Variants in PTPRT observed in about 807,000 individuals in gnomAD.
PTPRT encodes receptor-type tyrosine-protein phosphatase T.
Under a neutral mutation model 176.8 loss-of-function variants are expected in PTPRT, and 56 were observed. The observed-to-expected ratio is 0.32, with a 90% CI of 0.26 to 0.40. PTPRT has a LOEUF of 0.40. Among genes scored for constraint, PTPRT ranks in the 10% least tolerant of loss-of-function variants. The pLI is 1.00. For missense variants in PTPRT, 1,540 were observed against 1,908.2 expected, an observed-to-expected ratio of 0.81 and a Z score of 3.60; for synonymous variants, 783 against 739.0, an observed-to-expected ratio of 1.06 and a Z score of -0.96.
chr20:42,133,724 G>A (rs1202554967), intron 18 of PTPRT, among the ~76,000 whole-genome samples: 1 of 152,208 alleles, frequency 6.6e-6, no homozygotes, highest in Non-Finnish European at 1.5e-5. Context: ...TTAGCTAATT[G>A]TAATGAATGT....
chr20:42,578,134 C>T (rs1288320295), intron 7 of PTPRT, among the ~76,000 whole-genome samples: 2 of 152,060 alleles, frequency 1.3e-5, no homozygotes, highest in African/African-American at 4.8e-5. Flanking sequence ...GATGGGAAAA[C>T]AGGCCCAGAG....
chr20:42,896,210 A>G (rs1325204897), intron 1 of PTPRT, among the ~76,000 whole-genome samples: 1 of 152,176 alleles, frequency 6.6e-6, no homozygotes, highest in Non-Finnish European at 1.5e-5. Flanking sequence ...GGACTGAGCC[A>G]AGACTCCAAT....
intron 7 of PTPRT, among the ~76,000 whole-genome samples, chr20:42,605,759 C>G (rs549354729): frequency 9.1e-4 from 139 of 152,334 alleles, no homozygotes; most frequent in Non-Finnish European, 1.6e-3. Context: ...CTCTCTCCCC[C>G]TCCTACAGGA....
At chr20:42,232,467 G>A (rs1170408707) in intron 15 of PTPRT, among the ~76,000 whole-genome samples, 1 of 152,190 alleles carries the variant, frequency 6.6e-6, no homozygotes, top group Non-Finnish European at 1.5e-5. Context: ...CCCAGGTGAT[G>A]CTGATGCTAC....
chr20:43,180,262 C>T (rs971738135), intron 1 of PTPRT, among the ~76,000 whole-genome samples: 5 of 151,662 alleles, frequency 3.3e-5, no homozygotes, highest in African/African-American at 9.7e-5. Flanking sequence ...CATCAACTTT[C>T]CTGGGACTCC....
intron 2 of PTPRT, among the ~76,000 whole-genome samples, chr20:42,838,948 G>T (rs1600814950): frequency 6.6e-6 from 1 of 152,156 alleles, no homozygotes; most frequent in East Asian, 1.9e-4. Flanking sequence ...CTACACCTTT[G>T]GTCCCCAGGG....
chr20:42,119,828 G>A (rs1987491485), intron 20 of PTPRT, 107 bp downstream of exon 20: 4 of 980,772 alleles, frequency 4.1e-6, no homozygotes, highest in Non-Finnish European at 6.0e-6. Context: ...AAGGAGGGTT[G>A]GAGTAACAGA....
At chr20:43,155,537 G>T (rs1460259231) in intron 1 of PTPRT, among the ~76,000 whole-genome samples, 2 of 152,222 alleles carry the variant, frequency 1.3e-5, no homozygotes, top group African/African-American at 4.8e-5. Context: ...GGTTAGCAGG[G>T]AGAGGATGGG....
At chr20:42,155,955 C>T (rs750005578) in intron 17 of PTPRT, among the ~76,000 whole-genome samples, 1 of 152,176 alleles carries the variant, frequency 6.6e-6, no homozygotes, top group Non-Finnish European at 1.5e-5. Flanking sequence ...ATTAGTGTAA[C>T]AAACACTCAT....
At chr20:43,116,378 A>G (rs1378629293) in intron 1 of PTPRT, among the ~76,000 whole-genome samples, 1 of 152,180 alleles carries the variant, frequency 6.6e-6, no homozygotes, top group Non-Finnish European at 1.5e-5. Context: ...CAAAACACCC[A>G]AGGGCTTTGC....
intron 11 of PTPRT, among the ~76,000 whole-genome samples, chr20:42,341,919 G>A (rs1831010046): frequency 6.6e-6 from 1 of 152,172 alleles, no homozygotes; most frequent in Non-Finnish European, 1.5e-5. Flanking sequence ...CTTGGTTGGA[G>A]CCTAAGTAAT....
At chr20:42,982,169 C>T (rs537035984) in intron 1 of PTPRT, among the ~76,000 whole-genome samples, 14 of 152,252 alleles carry the variant, frequency 9.2e-5, no homozygotes, top group Admixed American at 2.6e-4. Flanking sequence ...GTTAGGTTGA[C>T]GAAGAGGTGT....
rs148047693 is a variant in PTPRT, at chr20:42,656,860, A to G, written c.1153+21006T>C. Reference sequence around the variant, plus strand: ...CTCTCACCCCCTTTTCACCTATCATATGACACTGGCTTTTGCCTGCTTATA... The same window carrying G: ...CTCTCACCCCCTTTTCACCTATCATGTGACACTGGCTTTTGCCTGCTTATA... On this transcript the variant is annotated intron_variant, in intron 7 of 30. Coordinates refer to ENST00000373187, the MANE Select transcript of PTPRT (RefSeq NM_007050.6). Among the ~76,000 whole-genome samples the G allele has an allele frequency of 2.0e-3, 312 of 152,280 alleles. 1 individual carries two copies. The highest frequency in any genetic ancestry group is 6.4e-3 in the African/African-American group (268 of 41,562).
intron 1 of PTPRT, among the ~76,000 whole-genome samples, chr20:43,025,628 T>A (rs1425178527): frequency 6.6e-6 from 1 of 152,176 alleles, no homozygotes; most frequent in Admixed American, 6.5e-5. Flanking sequence ...ATTCACAGTA[T>A]TTTTAGAGAT....
intron 12 of PTPRT, among the ~76,000 whole-genome samples, chr20:42,294,304 A>G (rs1026778202): frequency 2.6e-5 from 4 of 152,156 alleles, no homozygotes; most frequent in African/African-American, 4.8e-5. Flanking sequence ...AGAACATGTG[A>G]CTCAAGGTGG....
intron 1 of PTPRT, 32 bp from the exon 2 acceptor site, chr20:42,885,964 T>C: frequency 6.4e-7 from 1 of 1,550,422 alleles, no homozygotes; most frequent in African/African-American, 1.4e-5. Flanking sequence ...GTAAATACAT[T>C]CCCGTGTCTG....
At position 42,072,896 on chromosome 20, in the gene PTPRT, T is replaced by G. The variant is rs1427523752; in HGVS notation, c.*7983A>C. ...GTAAAAAGATTACACTTCACTGTAA[T>G]GTACAGTCAAAAAATATATCTGATA... On this transcript the variant is annotated 3_prime_UTR_variant, in exon 31 of 31. Coordinates refer to ENST00000373187, the MANE Select transcript of PTPRT (RefSeq NM_007050.6). The G allele has an allele frequency of 2.2e-5, 5 of 224,420 alleles. No individual in the cohort carries two copies. The highest frequency in any genetic ancestry group is 3.6e-5 in the Non-Finnish European group (4 of 112,240). 13.9% of individuals were successfully genotyped at this position (224,420 alleles called of 1,614,324 possible).
At chr20:43,159,128 G>A (rs1405375676) in intron 1 of PTPRT, among the ~76,000 whole-genome samples, 11 of 152,142 alleles carry the variant, frequency 7.2e-5, no homozygotes, top group Admixed American at 1.3e-4. Context: ...GCCAGTTATC[G>A]CTGTCAGCAA....
chr20:42,952,624 C>T (rs190790215), intron 1 of PTPRT, among the ~76,000 whole-genome samples: 2 of 152,328 alleles, frequency 1.3e-5, no homozygotes, highest in South Asian at 2.1e-4. Flanking sequence ...GCAGCTGGAA[C>T]ACCACCTGGA....
Sources: gnomAD v4.1 joint callset for allele counts (sites outside exome capture counted in the v4.1 genomes callset) on GRCh38, gnomAD v4.1.1 for gene constraint, MANE v1.5 for transcripts, NCBI Gene and HGNC (gene_info 2026-07-23, HGNC 2026-07-21) for gene names.